COL14A1: variants seen among roughly 807,000 people sequenced by gnomAD.
COL14A1 encodes collagen alpha-1(XIV) chain.
COL14A1 carries 136 observed loss-of-function variants against 230.3 expected under a neutral mutation model. The ratio of observed to expected loss-of-function variants is 0.59; its 90% confidence interval spans 0.51 to 0.68. COL14A1 has a LOEUF of 0.68. COL14A1 is among the 30% of genes least tolerant of loss of function. The pLI is 0.00. For synonymous variants in COL14A1, 792 were observed against 784.1 expected (o/e 1.01, Z -0.17); for missense variants, 1,976 against 2,215.8 (o/e 0.89, Z 2.17).
intron 34 of COL14A1, among the ~76,000 whole-genome samples, chr8:120,291,559 CAAA>C (rs375963111): frequency 7.2e-5 from 3 of 41,636 alleles, no homozygotes; most frequent in Admixed American, 2.9e-4. Flanking sequence ...GACTCCATCT[CAAA>C]AAAAAAAAAA....
At chr8:120,254,853 GTGGTGGC>G (rs1819090923) in intron 22 of COL14A1, among the ~76,000 whole-genome samples, 1 of 150,044 alleles carries the variant, frequency 6.7e-6, no homozygotes, top group African/African-American at 2.5e-5. Context: ...TTAGCTGCAT[GTGGTGGC>G]ACATGCCTGT....
At chr8:120,216,552 A>G in intron 14 of COL14A1, 62 bp downstream of exon 14, 1 of 1,490,854 alleles carries the variant, frequency 6.7e-7, no homozygotes, top group Non-Finnish European at 9.1e-7. Context: ...TTATGGCTAC[A>G]TAACCAATCA....
At chr8:120,168,684 T>C (rs1815997431) in intron 5 of COL14A1, among the ~76,000 whole-genome samples, 1 of 152,214 alleles carries the variant, frequency 6.6e-6, no homozygotes. Context: ...ATGTGGAGAA[T>C]GGGATTCAGA....
In COL14A1 at chr8:120,196,880, C is replaced by T. The variant is rs1817055140; in HGVS notation, c.526C>T (p.Leu176=). ...GAGTATTGGAAGATTCAACTTCAGA[C>T]TGGTTCGGCATTTCTTGGAAAACCT... ...SWSIGRFNFR[L]VRHFLENLVT... The change falls in exon 6 of 48, where the codon CTG becomes TTG. Residue 176 remains leucine (L), a synonymous_variant. Coordinates refer to ENST00000297848, the MANE Select transcript of COL14A1 (RefSeq NM_021110.4). The T allele has an allele frequency of 1.2e-6, 2 of 1,613,974 alleles. No individual in the cohort carries two copies. The highest frequency in any genetic ancestry group is 2.7e-5 in the African/African-American group (2 of 74,916).
chr8:120,306,209 T>TA (rs1466527917), intron 36 of COL14A1, among the ~76,000 whole-genome samples: 1 of 152,170 alleles, frequency 6.6e-6, no homozygotes, highest in East Asian at 1.9e-4. Context: ...CCAGCATTAA[T>TA]ACATGTTTAT....
chr8:120,362,773 T>C (rs1040479089), intron 45 of COL14A1, among the ~76,000 whole-genome samples: 1 of 152,114 alleles, frequency 6.6e-6, no homozygotes, highest in Non-Finnish European at 1.5e-5. Context: ...TAAAAGATAG[T>C]CATTAGAAAA....
At chr8:120,256,946 A>G (rs1247253875) in intron 23 of COL14A1, among the ~76,000 whole-genome samples, 1 of 152,232 alleles carries the variant, frequency 6.6e-6, no homozygotes. Context: ...TTATCACTAT[A>G]TATGTTGACA....
intron 40 of COL14A1, among the ~76,000 whole-genome samples, chr8:120,322,693 C>T (rs186466380): frequency 1.3e-5 from 2 of 151,260 alleles, no homozygotes; most frequent in Admixed American, 1.3e-4. Flanking sequence ...TAATGGCCTT[C>T]AGCTCCATCC....
chr8:120,258,973 A>T (rs1819245715), intron 23 of COL14A1, among the ~76,000 whole-genome samples: 1 of 152,152 alleles, frequency 6.6e-6, no homozygotes, highest in Admixed American at 6.5e-5. Flanking sequence ...AACTTGATGA[A>T]CTTCTTTGTA....
intron 35 of COL14A1, among the ~76,000 whole-genome samples, chr8:120,298,597 T>TTATACA (rs1820602488): frequency 1.7e-5 from 1 of 57,998 alleles, no homozygotes. Context: ...CCCATATATT[T>TTATACA]TATATATATA....
Position 120,346,395 on chromosome 8 carries a change from T to C in COL14A1, c.5077+832T>C, listed in dbSNP as rs576969900. 3.3e-5 allele frequency among the ~76,000 whole-genome samples: 5 copies of C among 152,264 alleles called. No individual in the cohort carries two copies. The East Asian group carries it at 9.7e-4, about 29-fold the overall frequency. ...AGTGATGGGAAAGAGAGACAACTCA[T>C]CAGAGTATTTTCTAAGATACATTTT... is the stretch of plus-strand genomic sequence containing the variant. On this transcript the variant is annotated intron_variant, in intron 45 of 47. Transcript: ENST00000297848.
intron 36 of COL14A1, among the ~76,000 whole-genome samples, chr8:120,304,098 TTTGTAA>T (rs1465354909): frequency 6.6e-6 from 1 of 152,174 alleles, no homozygotes; most frequent in African/African-American, 2.4e-5. Context: ...CCCTTTGTCA[TTTGTAA>T]TTGTATTTAT....
At chr8:120,281,103 A>T in intron 31 of COL14A1, 44 bp downstream of exon 31, 1 of 1,550,466 alleles carries the variant, frequency 6.4e-7, no homozygotes, top group Non-Finnish European at 8.7e-7. Context: ...TATGTTTATT[A>T]TATCTCACTG....
chr8:120,295,058 G>A (rs1277199511), intron 34 of COL14A1, among the ~76,000 whole-genome samples: 4 of 151,836 alleles, frequency 2.6e-5, no homozygotes, highest in Non-Finnish European at 5.9e-5. Context: ...GTATACTGGG[G>A]CTTGTGAAAG....
At chr8:120,228,466 T>A (rs1032338867) in intron 17 of COL14A1, among the ~76,000 whole-genome samples, 2 of 152,220 alleles carry the variant, frequency 1.3e-5, no homozygotes, top group Non-Finnish European at 2.9e-5. Context: ...GTTCAAATGT[T>A]TATATGAAGC....
intron 4 of COL14A1, among the ~76,000 whole-genome samples, 175 bp downstream of exon 4, chr8:120,162,744 C>T (rs1324186326): frequency 6.6e-6 from 1 of 152,106 alleles, no homozygotes; most frequent in African/African-American, 2.4e-5. Flanking sequence ...ACTTTGCTAC[C>T]CTTCCCTTTC....
intron 5 of COL14A1, among the ~76,000 whole-genome samples, chr8:120,169,602 T>A (rs1816033993): frequency 6.6e-6 from 1 of 152,108 alleles, no homozygotes; most frequent in Non-Finnish European, 1.5e-5. Context: ...CTACATATTG[T>A]TGTATTTTTG....
chr8:120,236,623 G>A (rs1586792271), intron 19 of COL14A1, among the ~76,000 whole-genome samples: 1 of 152,102 alleles, frequency 6.6e-6, no homozygotes, highest in Non-Finnish European at 1.5e-5. Context: ...TTACATTTAA[G>A]GTTAATATTG....
At chr8:120,323,959 C>G (rs1402228394) in intron 40 of COL14A1, among the ~76,000 whole-genome samples, 1 of 152,090 alleles carries the variant, frequency 6.6e-6, no homozygotes, top group South Asian at 2.1e-4. Context: ...CCTGAGGAAA[C>G]TAACACAGGA....
Sources: allele counts gnomAD v4.1 joint callset (sites outside exome capture counted in the v4.1 genomes callset), GRCh38; gene constraint gnomAD v4.1.1; transcripts MANE v1.5; gene names NCBI Gene and HGNC (gene_info 2026-07-23, HGNC 2026-07-21).